Variants in OSBPL1A observed in about 807,000 individuals in gnomAD.
OSBPL1A encodes oxysterol-binding protein-related protein 1.
In OSBPL1A, 80 loss-of-function variants were observed where a neutral mutation model predicts 137.1. The ratio of observed to expected loss-of-function variants is 0.58; its 90% CI spans 0.49 to 0.70. The LOEUF (loss-of-function observed/expected upper bound fraction) is 0.70. Ranked by LOEUF, OSBPL1A falls within the 30% of genes least tolerant of loss-of-function variation. The pLI is 0.00. For synonymous variants in OSBPL1A, 365 were observed against 389.7 expected, an observed-to-expected ratio of 0.94 and a Z score of 0.75; for missense variants, 970 against 1,129.4, an observed-to-expected ratio of 0.86 and a Z score of 2.02.
intron 15 of OSBPL1A, among the ~76,000 whole-genome samples, chr18:24,258,951 T>TA (rs58434151): frequency 7.4e-5 from 10 of 134,902 alleles, no homozygotes; most frequent in African/African-American, 2.9e-4. Flanking sequence ...TTTTTTTTTT[T>TA]AAATTGAGAC....
At chr18:24,207,593 A>G (rs1318589962) in intron 17 of OSBPL1A, among the ~76,000 whole-genome samples, 2 of 152,222 alleles carry the variant, frequency 1.3e-5, no homozygotes, top group African/African-American at 4.8e-5. Flanking sequence ...AATCTAAGAA[A>G]ACTATTCCAC....
intron 14 of OSBPL1A, among the ~76,000 whole-genome samples, chr18:24,293,104 C>CAAAAAAAA (rs1172730345): frequency 7.5e-5 from 5 of 66,388 alleles, no homozygotes; most frequent in Non-Finnish European, 1.1e-4. Context: ...ACTCCCGTCT[C>CAAAAAAAA]AAAAAAAAAA....
intron 17 of OSBPL1A, among the ~76,000 whole-genome samples, chr18:24,196,503 T>G (rs1015644629): frequency 8.5e-5 from 13 of 152,224 alleles, no homozygotes; most frequent in African/African-American, 2.7e-4. Flanking sequence ...TCCACTATGC[T>G]TTCACGTTAT....
At chr18:24,321,533 C>A in intron 7 of OSBPL1A, 1 of 379,654 alleles carries the variant, frequency 2.6e-6, no homozygotes, top group Admixed American at 4.6e-5. Flanking sequence ...AAGCGATCTG[C>A]CAGCCTCAGC....
chr18:24,314,715 G>C (rs2090687203), intron 11 of OSBPL1A, among the ~76,000 whole-genome samples: 1 of 152,088 alleles, frequency 6.6e-6, no homozygotes. Flanking sequence ...TGTTTGAGCT[G>C]AGTATAAAAT....
In OSBPL1A at chr18:24,312,056, A is replaced by T; in HGVS notation, c.1020T>A (p.Cys340Ter). The change falls in exon 13 of 28, where the codon TGT becomes TGA. Residue 340 changes from cysteine (C) to a stop codon, truncating the protein, a stop_gained. Transcript: ENST00000319481. LOFTEE classifies it high-confidence loss of function. ...EEHSAYSTHY[C>*]SQDQLTDEEE... ...CCTCATCAGTCAGCTGGTCCTGGGA[A>T]CAGTAGTGAGTGCTGTAAGCAGAAT... The T allele has an allele frequency of 1.9e-6, 3 of 1,614,102 alleles. No individual in the cohort carries two copies. The South Asian group carries it at 3.3e-5, about 18-fold the overall frequency.
intron 1 of OSBPL1A, among the ~76,000 whole-genome samples, chr18:24,381,295 C>A (rs1906574984): frequency 1.3e-5 from 2 of 152,164 alleles, no homozygotes; most frequent in South Asian, 4.1e-4. Flanking sequence ...AGGGTTGTTG[C>A]TGAAGACAGG....
At chr18:24,256,783 T>A (rs1021648763) in intron 15 of OSBPL1A, among the ~76,000 whole-genome samples, 1 of 151,818 alleles carries the variant, frequency 6.6e-6, no homozygotes, top group Admixed American at 6.6e-5. Flanking sequence ...AAGATCAACA[T>A]ACAAAAATCA....
Position 24,391,625 on chromosome 18 carries a change from A to T in OSBPL1A, c.-3+6030T>A, listed in dbSNP as rs180789222. 2.4e-3 allele frequency among the ~76,000 whole-genome samples: 360 copies of T among 151,468 alleles called. 3 individuals are homozygous for T. The highest frequency in any genetic ancestry group is 8.2e-3 in the African/African-American group (337 of 41,324). On this transcript the variant is annotated intron_variant, in intron 1 of 27. Coordinates refer to ENST00000319481, the MANE Select transcript of OSBPL1A (RefSeq NM_080597.4). The stretch of plus-strand genomic sequence containing the variant: ...GCACCTATAGATCCAGCTACTTGGG[A>T]GGCTGAAGCAGGAGGACTACTTGAG...
intron 1 of OSBPL1A, among the ~76,000 whole-genome samples, chr18:24,380,732 A>C (rs2146208423): frequency 6.6e-6 from 1 of 152,178 alleles, no homozygotes. Context: ...CGGGTCTATC[A>C]CCTGAGGTCA....
rs969796550 is a variant in OSBPL1A, at chr18:24,209,263, A to C, written c.1602-13063T>G. Among the ~76,000 whole-genome samples the C allele has an allele frequency of 2.6e-5, 4 of 152,344 alleles. No individual in the cohort carries two copies. The East Asian group carries it at 7.7e-4, about 29-fold the overall frequency. On this transcript the variant is annotated intron_variant, in intron 17 of 27. Transcript: ENST00000319481. The stretch of plus-strand genomic sequence containing the variant: ...ACAAAGACATACAAACAAATTTAAA[A>C]TGGGCAAAACTCCCAGACACGTCAC...
chr18:24,312,413 T>A (rs895067592), intron 12 of OSBPL1A, among the ~76,000 whole-genome samples: 1 of 152,140 alleles, frequency 6.6e-6, no homozygotes, highest in Non-Finnish European at 1.5e-5. Context: ...AAATTATAGG[T>A]TCTCGTTTTC....
chr18:24,202,180 G>A (rs1567941916), intron 17 of OSBPL1A, among the ~76,000 whole-genome samples: 1 of 152,160 alleles, frequency 6.6e-6, no homozygotes, highest in African/African-American at 2.4e-5. Context: ...CAGAGCTACA[G>A]TGCAAACTCT....
At chr18:24,324,141 G>C (rs1183982555) in intron 7 of OSBPL1A, among the ~76,000 whole-genome samples, 2 of 73,142 alleles carry the variant, frequency 2.7e-5, no homozygotes, top group East Asian at 4.3e-4. Context: ...AGAACTGCTT[G>C]AACCCGGGAG....
At chr18:24,164,420 G>GGTTTTTTTTTTTTTTTTTT (rs199563115) in intron 27 of OSBPL1A, among the ~76,000 whole-genome samples, 1 of 95,970 alleles carries the variant, frequency 1.0e-5, no homozygotes. Context: ...GAGATTTTTG[G>GGTTTTTTTTTTTTTTTTTT]TTTTTTTTTT....
chr18:24,310,712 TATC>T (rs2090607319), intron 13 of OSBPL1A, among the ~76,000 whole-genome samples: 1 of 142,058 alleles, frequency 7.0e-6, no homozygotes, highest in Admixed American at 7.0e-5. Flanking sequence ...CTTTTAAAAT[TATC>T]ATAATCCTAG....
intron 16 of OSBPL1A, among the ~76,000 whole-genome samples, chr18:24,225,929 C>T (rs953484356): frequency 6.6e-6 from 1 of 151,422 alleles, no homozygotes; most frequent in Non-Finnish European, 1.5e-5. Context: ...GCTATGATCA[C>T]ACCACTGCAC....
chr18:24,351,117 G>A (rs1450151141), intron 4 of OSBPL1A, among the ~76,000 whole-genome samples: 2 of 151,994 alleles, frequency 1.3e-5, no homozygotes, highest in Admixed American at 6.6e-5. Context: ...GGAGGCAAAA[G>A]TGGGCAGATC....
At chr18:24,345,037 C>T (rs564518772) in intron 4 of OSBPL1A, among the ~76,000 whole-genome samples, 3 of 151,410 alleles carry the variant, frequency 2.0e-5, no homozygotes, top group East Asian at 2.0e-4. Context: ...CTGGTGGTCT[C>T]GAATCCCTGA....
Sources: allele counts gnomAD v4.1 joint callset (sites outside exome capture counted in the v4.1 genomes callset), GRCh38; gene constraint gnomAD v4.1.1; transcripts MANE v1.5; gene names NCBI Gene and HGNC (gene_info 2026-07-23, HGNC 2026-07-21).